UBE2H: variants seen among roughly 807,000 people sequenced by gnomAD.
UBE2H encodes ubiquitin-conjugating enzyme E2 H.
UBE2H carries 3 observed loss-of-function variants against 29.0 expected under a neutral mutation model. The observed-to-expected ratio is 0.10, with a 90% confidence interval of 0.05 to 0.27. UBE2H has a LOEUF of 0.27. Ranked by LOEUF, UBE2H falls within the 10% of genes least tolerant of loss-of-function variation. The pLI is 1.00. For synonymous variants in UBE2H, 69 were observed against 82.9 expected, an observed-to-expected ratio of 0.83 and a Z score of 0.91; for missense variants, 68 against 228.2, an observed-to-expected ratio of 0.30 and a Z score of 4.52.
intron 1 of UBE2H, among the ~76,000 whole-genome samples, chr7:129,940,088 G>A (rs925252286): frequency 1.3e-5 from 2 of 152,070 alleles, no homozygotes; most frequent in Non-Finnish European, 2.9e-5. Flanking sequence ...TGCTTCTGAG[G>A]TAACACAAAC....
Position 129,843,084 on chromosome 7 carries a change from C to T in UBE2H, c.299-3749G>A, listed in dbSNP as rs150754490. Among the ~76,000 whole-genome samples the T allele has an allele frequency of 7.2e-3, 1,075 of 149,678 alleles. 15 individuals are homozygous for T. The highest frequency in any genetic ancestry group is 0.024 in the African/African-American group (985 of 40,578). On this transcript the variant is annotated intron_variant, in intron 5 of 6. Transcript: ENST00000355621. Reference sequence around the variant, plus strand: ...TGTGATCTCCACTCACTGCAAGCTCCGCCTCCTGGGTTCACGCCATTCTCC... The same window carrying T: ...TGTGATCTCCACTCACTGCAAGCTCTGCCTCCTGGGTTCACGCCATTCTCC...
intron 3 of UBE2H, among the ~76,000 whole-genome samples, chr7:129,877,693 A>G (rs1806174129): frequency 6.6e-6 from 1 of 152,246 alleles, no homozygotes; most frequent in South Asian, 2.1e-4. Flanking sequence ...CAAATTTCAT[A>G]TTGCATCATT....
At chr7:129,902,423 C>T (rs1806735183) in intron 1 of UBE2H, among the ~76,000 whole-genome samples, 1 of 152,192 alleles carries the variant, frequency 6.6e-6, no homozygotes, top group African/African-American at 2.4e-5. Context: ...ATCGCTTGGA[C>T]CTGGGAGGCG....
intron 5 of UBE2H, among the ~76,000 whole-genome samples, chr7:129,854,289 T>C (rs1408955654): frequency 6.6e-6 from 1 of 152,190 alleles, no homozygotes; most frequent in Non-Finnish European, 1.5e-5. Context: ...GAACATATTC[T>C]ACCAGTACTT....
rs948559079 is a variant in UBE2H at position 129,944,775 on chromosome 7, A to T, written c.53+7728T>A. Among the ~76,000 whole-genome samples the T allele has an allele frequency of 1.5e-4, 22 of 149,626 alleles. 1 individual carries two copies. In the South Asian group the frequency reaches 3.9e-3, roughly 27 times the overall value. On this transcript the variant is annotated intron_variant, in intron 1 of 6. Transcript: ENST00000355621. ...ACGCACGCACGCACGCGCATGCGCA[A>T]ACCCTACCACATGATCTAGCTTAGC...
At chr7:129,859,986 G>A (rs953124262) in intron 3 of UBE2H, among the ~76,000 whole-genome samples, 12 of 152,160 alleles carry the variant, frequency 7.9e-5, no homozygotes, top group Admixed American at 4.6e-4. Context: ...CTATTCTTGA[G>A]GAGGTCACTG....
intron 1 of UBE2H, among the ~76,000 whole-genome samples, chr7:129,910,031 T>C (rs1267121530): frequency 6.6e-6 from 1 of 151,774 alleles, no homozygotes; most frequent in Non-Finnish European, 1.5e-5. Context: ...AGGTGAATAT[T>C]GAAGAATAAA....
chr7:129,864,253 G>T (rs1037121697), intron 3 of UBE2H, among the ~76,000 whole-genome samples: 2 of 152,174 alleles, frequency 1.3e-5, no homozygotes, highest in African/African-American at 2.4e-5. Flanking sequence ...CAAGGAGGGG[G>T]GAGACAGAGA....
Position 129,878,682 on chromosome 7 carries a change from C to CAA in UBE2H, c.205+884_205+885dup, listed in dbSNP as rs772936668. Among the ~76,000 whole-genome samples the CAA allele has an allele frequency of 8.5e-3, 632 of 74,674 alleles. 1 individual carries two copies. Among genetic ancestry groups the CAA allele is most frequent in the African/African-American group, 0.014 (237 of 17,138 alleles). The allele number at this position is 74,674 out of a possible 152,430, so 49.0% of individuals were successfully genotyped here. Reference sequence around the variant, plus strand: ...TGGGCGACAGAGTGAGACTCCGTCTCAAAAAAAAAAAAAAAAAAAAAAAGC... The same window carrying CAA: ...TGGGCGACAGAGTGAGACTCCGTCTCAAAAAAAAAAAAAAAAAAAAAAAAAGC... On this transcript the variant is annotated intron_variant, in intron 3 of 6. Transcript: ENST00000355621.
intron 1 of UBE2H, among the ~76,000 whole-genome samples, chr7:129,942,260 C>G (rs936122060): frequency 6.9e-6 from 1 of 145,222 alleles, no homozygotes; most frequent in Non-Finnish European, 1.5e-5. Flanking sequence ...CCAGGCTGGG[C>G]GCGGTGGCTC....
At chr7:129,922,701 C>CAT (rs1048547483) in intron 1 of UBE2H, among the ~76,000 whole-genome samples, 12 of 152,170 alleles carry the variant, frequency 7.9e-5, no homozygotes, top group Non-Finnish European at 1.6e-4. Context: ...ATTGAGTCTA[C>CAT]ATAGTAGGGT....
chr7:129,888,206 T>C (rs1410053857), intron 1 of UBE2H, among the ~76,000 whole-genome samples: 1 of 152,228 alleles, frequency 6.6e-6, no homozygotes, highest in Non-Finnish European at 1.5e-5. Context: ...GGAAGCCTTT[T>C]ATTCAAAAGA....
chr7:129,852,253 C>G (rs913176375), intron 5 of UBE2H, among the ~76,000 whole-genome samples: 1 of 152,204 alleles, frequency 6.6e-6, no homozygotes, highest in African/African-American at 2.4e-5. Context: ...TGGGAAGATT[C>G]ACAGACTATC....
intron 3 of UBE2H, among the ~76,000 whole-genome samples, chr7:129,875,737 T>C (rs952183071): frequency 2.1e-4 from 32 of 152,230 alleles, no homozygotes; most frequent in African/African-American, 7.5e-4. Context: ...AGATCATTCA[T>C]CTTTATTTCA....
At chr7:129,874,761 C>A (rs1166317014) in intron 3 of UBE2H, among the ~76,000 whole-genome samples, 4 of 151,770 alleles carry the variant, frequency 2.6e-5, no homozygotes, top group Non-Finnish European at 4.4e-5. Context: ...GTGGAAGAGT[C>A]AGGCAGAAAA....
intron 1 of UBE2H, among the ~76,000 whole-genome samples, chr7:129,901,953 G>C (rs1806724406): frequency 6.6e-6 from 1 of 152,004 alleles, no homozygotes; most frequent in South Asian, 2.1e-4. Context: ...CAAGTTTGGT[G>C]GGGGAGCGGG....
At chr7:129,892,253 CCTTT>C (rs1240158136) in intron 1 of UBE2H, among the ~76,000 whole-genome samples, 3 of 139,128 alleles carry the variant, frequency 2.2e-5, no homozygotes, top group Non-Finnish European at 3.2e-5. Context: ...CCGGCCTCAA[CCTTT>C]CTTTTTTTTT....
At chr7:129,860,310 CTATGTGATGTTTAAGT>C (rs1805776848) in intron 3 of UBE2H, among the ~76,000 whole-genome samples, 1 of 151,958 alleles carries the variant, frequency 6.6e-6, no homozygotes, top group South Asian at 2.1e-4. Flanking sequence ...TCAAGAGGGC[CTATGTGATGTTTAAGT>C]TACTCTGATG....
intron 1 of UBE2H, among the ~76,000 whole-genome samples, chr7:129,896,938 ATAAT>A (rs1348186636): frequency 2.0e-5 from 3 of 152,228 alleles, no homozygotes; most frequent in African/African-American, 4.8e-5. Flanking sequence ...GTGGTGGGTG[ATAAT>A]TAATAAATAC....
Sources: gnomAD v4.1 joint callset for allele counts (sites outside exome capture counted in the v4.1 genomes callset) on GRCh38, gnomAD v4.1.1 for gene constraint, MANE v1.5 for transcripts, NCBI Gene and HGNC (gene_info 2026-07-23, HGNC 2026-07-21) for gene names.